Variants in PPP2R5E observed in about 807,000 individuals in gnomAD.
PPP2R5E encodes protein phosphatase 2 regulatory subunit B'epsilon, also known as serine/threonine-protein phosphatase 2A 56 kDa regulatory subunit epsilon isoform.
In PPP2R5E, 4 loss-of-function variants were observed where a neutral mutation model predicts 65.3. The ratio of observed to expected loss-of-function variants is 0.06; its 90% confidence interval spans 0.03 to 0.14. PPP2R5E has a LOEUF of 0.14. Among genes scored for constraint, PPP2R5E ranks in the 10% least tolerant of loss-of-function variants. PPP2R5E has a pLI of 1.00. For synonymous variants in PPP2R5E, 183 were observed against 187.4 expected, an observed-to-expected ratio of 0.98 and a Z score of 0.19; for missense variants, 274 against 556.1, an observed-to-expected ratio of 0.49 and a Z score of 5.10.
At chr14:63,443,735 A>G (rs1888348267) in intron 3 of PPP2R5E, among the ~76,000 whole-genome samples, 1 of 152,000 alleles carries the variant, frequency 6.6e-6, no homozygotes, top group South Asian at 2.1e-4. Context: ...CTTCCATCCA[A>G]AGCCTGCTCT....
At chr14:63,467,619 A>G (rs1166093083) in intron 2 of PPP2R5E, among the ~76,000 whole-genome samples, 1 of 152,276 alleles carries the variant, frequency 6.6e-6, no homozygotes, top group East Asian at 1.9e-4. Flanking sequence ...AACTAGGTCC[A>G]CTATCTCAAA....
chr14:63,401,928 G>C (rs937120168), intron 5 of PPP2R5E, among the ~76,000 whole-genome samples: 1 of 152,110 alleles, frequency 6.6e-6, no homozygotes, highest in Non-Finnish European at 1.5e-5. Context: ...GATGGTAAGG[G>C]TGTGAGAAAT....
intron 5 of PPP2R5E, among the ~76,000 whole-genome samples, chr14:63,406,534 G>A (rs1886103536): frequency 1.3e-5 from 2 of 152,108 alleles, no homozygotes; most frequent in Admixed American, 1.3e-4. Flanking sequence ...CTTACCTAGA[G>A]ACCAACCGTT....
At chr14:63,420,333 A>C (rs1886935041) in intron 4 of PPP2R5E, among the ~76,000 whole-genome samples, 2 of 152,208 alleles carry the variant, frequency 1.3e-5, no homozygotes, top group African/African-American at 4.8e-5. Flanking sequence ...ATGACAATTC[A>C]CCCATTCAAA....
rs1018027504 is a variant in PPP2R5E at position 63,458,594 on chromosome 14, T to C, written c.158-4709A>G. Among the ~76,000 whole-genome samples, 3 of 152,250 alleles carry C rather than the reference T, an allele frequency of 2.0e-5. No individual in the cohort carries two copies. The South Asian group carries it at 6.2e-4, about 32-fold the overall frequency. ...ATTATATTTATTACCCATCATATCA[T>C]AAAAATAAGGTAAATTGCTTTTAAA... On this transcript the variant is annotated intron_variant, in intron 2 of 13. Coordinates refer to ENST00000337537, the MANE Select transcript of PPP2R5E (RefSeq NM_006246.5).
intron 2 of PPP2R5E, among the ~76,000 whole-genome samples, chr14:63,467,355 C>T (rs184591887): frequency 2.7e-4 from 41 of 152,170 alleles, no homozygotes; most frequent in Admixed American, 2.7e-3. Context: ...TGCATGCTTA[C>T]AGTGCAATTC....
rs748146106 is a variant in PPP2R5E at position 63,520,859 on chromosome 14, C to CAAAAA, written c.157+18665_157+18669dup. ...TGAAACCTCATCTCTACTAAAAATACAAAAAAAAAAAAAAAAAAAAAAAAA... is the reference window on the plus strand; with the variant it reads ...TGAAACCTCATCTCTACTAAAAATACAAAAAAAAAAAAAAAAAAAAAAAAAAAAAA... On this transcript the variant is annotated intron_variant, in intron 2 of 13. Coordinates refer to ENST00000337537, the MANE Select transcript of PPP2R5E (RefSeq NM_006246.5). 2.6e-3 allele frequency among the ~76,000 whole-genome samples: 150 copies of CAAAAA among 58,486 alleles called. 6 individuals are homozygous for CAAAAA. The highest frequency in any genetic ancestry group is 4.5e-3 in the East Asian group (3 of 668). The allele number at this position is 58,486 out of a possible 152,430, so 38.4% of individuals were successfully genotyped here. A position where few individuals can be genotyped will look rare whatever the true frequency, so the allele number is the denominator to read the frequency against.
At chr14:63,381,929 T>C (rs10146129) in intron 13 of PPP2R5E, 127 bp downstream of exon 13, 115,499 of 638,598 alleles carry the variant, frequency 0.18, 22,295 homozygotes, top group African/African-American at 0.69. Flanking sequence ...GGTTGTTAAG[T>C]AATGCATGAC....
intron 1 of PPP2R5E, among the ~76,000 whole-genome samples, chr14:63,540,722 CAAA>C (rs554898958): frequency 1.1e-5 from 1 of 91,744 alleles, no homozygotes. Flanking sequence ...AACTCCTTCT[CAAA>C]AAAAAAAAAA....
intron 5 of PPP2R5E, 52 bp from the exon 6 acceptor site, chr14:63,396,768 T>C (rs1179914924): frequency 6.3e-7 from 1 of 1,585,648 alleles, no homozygotes; most frequent in Non-Finnish European, 8.6e-7. Context: ...CAGAAAAGGA[T>C]TTAGGAATTC....
At chr14:63,400,626 T>C (rs72714229) in intron 5 of PPP2R5E, among the ~76,000 whole-genome samples, 5,242 of 131,842 alleles carry the variant, frequency 0.04, 186 homozygotes, top group East Asian at 0.092. Flanking sequence ...TCAGGGGAGG[T>C]AATGGGCAAG....
intron 2 of PPP2R5E, among the ~76,000 whole-genome samples, chr14:63,506,938 T>C (rs2139685472): frequency 6.6e-6 from 1 of 152,314 alleles, no homozygotes; most frequent in African/African-American, 2.4e-5. Flanking sequence ...TGTGGCACAA[T>C]GGAATATTAT....
chr14:63,468,234 C>T (rs1033745), intron 2 of PPP2R5E, among the ~76,000 whole-genome samples: 39,232 of 151,984 alleles, frequency 0.26, 5,835 homozygotes, highest in African/African-American at 0.41. Context: ...ATATTCTAGG[C>T]ATTGTGTGAA....
chr14:63,520,875 A>C (rs1434956678), intron 2 of PPP2R5E, among the ~76,000 whole-genome samples: 2 of 147,906 alleles, frequency 1.4e-5, no homozygotes, highest in South Asian at 2.1e-4. Flanking sequence ...AAAAAAAAAA[A>C]AAAAAAAAAA....
In PPP2R5E at chr14:63,372,042, G is replaced by A. The variant is rs1313123019; in HGVS notation, c.*3967C>T. On this transcript the variant is annotated 3_prime_UTR_variant, in exon 14 of 14. Coordinates refer to ENST00000337537, the MANE Select transcript of PPP2R5E (RefSeq NM_006246.5). ...AATAAGTGATTTCAAAAAAAGTAAAGAAAGAGGAAGGGAAGAGGGAAGGAG... is the reference window on the plus strand; with the variant it reads ...AATAAGTGATTTCAAAAAAAGTAAAAAAAGAGGAAGGGAAGAGGGAAGGAG... 4 of 147,052 alleles carry A rather than the reference G, an allele frequency of 2.7e-5. No homozygotes were observed. The highest frequency in any genetic ancestry group is 6.0e-5 in the Non-Finnish European group (4 of 66,618). 9.1% of individuals were successfully genotyped at this position (147,052 alleles called of 1,614,324 possible). A position where few individuals can be genotyped will look rare whatever the true frequency, so the allele number is the denominator to read the frequency against.
chr14:63,382,215 A>G (rs1172018903), intron 12 of PPP2R5E, 58 bp from the exon 13 acceptor site: 7 of 1,362,928 alleles, frequency 5.1e-6, no homozygotes, highest in Non-Finnish European at 7.3e-6. Flanking sequence ...GGGATACTGA[A>G]TGAAGAAAGC....
At chr14:63,482,315 C>T (rs534765464) in intron 2 of PPP2R5E, among the ~76,000 whole-genome samples, 18 of 152,148 alleles carry the variant, frequency 1.2e-4, no homozygotes, top group Non-Finnish European at 2.4e-4. Context: ...CAAAATTAGC[C>T]GGGCATGGTG....
intron 5 of PPP2R5E, among the ~76,000 whole-genome samples, chr14:63,402,248 C>T (rs1885799239): frequency 6.6e-6 from 1 of 152,182 alleles, no homozygotes; most frequent in South Asian, 2.1e-4. Context: ...TACAGATATG[C>T]TAACAGCTGA....
intron 5 of PPP2R5E, among the ~76,000 whole-genome samples, chr14:63,401,102 T>C (rs2139817485): frequency 6.6e-6 from 1 of 152,350 alleles, no homozygotes; most frequent in Non-Finnish European, 1.5e-5. Context: ...ATATTAAATG[T>C]ATCATATTCT....
Sources: gnomAD v4.1 joint callset for allele counts (sites outside exome capture counted in the v4.1 genomes callset) on GRCh38, gnomAD v4.1.1 for gene constraint, MANE v1.5 for transcripts, NCBI Gene and HGNC (gene_info 2026-07-23, HGNC 2026-07-21) for gene names.